The following TCF12 variants were observed in gnomAD, a reference collection of about 807,000 sequenced individuals.
TCF12 encodes transcription factor 12, also known as DNA-binding protein HTF4.
In TCF12, 45 loss-of-function variants were observed where a neutral mutation model predicts 86.0. That is an observed-to-expected ratio of 0.52 (90% CI 0.41 to 0.67). The LOEUF (loss-of-function observed/expected upper bound fraction) is 0.67, where lower values mean the gene tolerates loss of function less well. Ranked by LOEUF, TCF12 falls within the 30% of genes least tolerant of loss-of-function variation. The pLI is 0.00. For missense variants in TCF12, 881 were observed against 859.9 expected (o/e 1.02, Z -0.31); for synonymous variants, 330 against 299.6 (o/e 1.10, Z -1.05).
In TCF12 at chr15:57,286,935, T is replaced by C. The variant is rs1447384925; in HGVS notation, c.*790T>C. The C allele has an allele frequency of 5.0e-6, 1 of 198,468 alleles. No homozygotes were observed. 12.3% of individuals were successfully genotyped at this position (198,468 alleles called of 1,614,324 possible). ...TACAGTGGTAAGCAGAGACCATCTG[T>C]GACCATAGCCTAGCTAGCATTTTAA... On this transcript the variant is annotated 3_prime_UTR_variant, in exon 21 of 21. Coordinates refer to ENST00000333725, the MANE Select transcript of TCF12 (RefSeq NM_207037.2).
intron 14 of TCF12, among the ~76,000 whole-genome samples, chr15:57,251,766 C>A (rs2060129204): frequency 6.6e-6 from 1 of 152,108 alleles, no homozygotes; most frequent in Admixed American, 6.5e-5. Flanking sequence ...AAAATTTAAT[C>A]CAGCAATGCA....
intron 13 of TCF12, among the ~76,000 whole-genome samples, chr15:57,245,740 CTT>C (rs2059828082): frequency 6.6e-6 from 1 of 152,136 alleles, no homozygotes; most frequent in African/African-American, 2.4e-5. Context: ...GCGATGCTGT[CTT>C]TTTCTCTTTA....
At chr15:56,920,487 CGTGTGT>C (rs71113033) in intron 2 of TCF12, among the ~76,000 whole-genome samples, 43 of 146,960 alleles carry the variant, frequency 2.9e-4, no homozygotes, top group South Asian at 2.4e-3. Context: ...CACACACACA[CGTGTGT>C]GTGTGTGTGT....
chr15:57,255,456 C>T (rs546902964), intron 16 of TCF12, among the ~76,000 whole-genome samples: 1 of 152,064 alleles, frequency 6.6e-6, no homozygotes, highest in Admixed American at 6.6e-5. Context: ...AGAAGGTCTG[C>T]CAGAGGTATT....
chr15:57,131,107 G>C (rs1416161621), intron 5 of TCF12, among the ~76,000 whole-genome samples: 5 of 152,032 alleles, frequency 3.3e-5, no homozygotes, highest in Non-Finnish European at 7.4e-5. Flanking sequence ...TGTCTTTGGG[G>C]GCAAAAGGTT....
intron 5 of TCF12, among the ~76,000 whole-genome samples, chr15:57,130,261 A>C (rs1391144029): frequency 6.6e-6 from 1 of 152,208 alleles, no homozygotes; most frequent in Non-Finnish European, 1.5e-5. Context: ...TCTGGTTTCC[A>C]GATGTTATTA....
At chr15:56,994,449 T>C (rs2063599666) in intron 3 of TCF12, among the ~76,000 whole-genome samples, 1 of 152,074 alleles carries the variant, frequency 6.6e-6, no homozygotes, top group Non-Finnish European at 1.5e-5. Context: ...CACAAATTTA[T>C]TGAAAGACAC....
intron 3 of TCF12, among the ~76,000 whole-genome samples, chr15:56,921,506 A>G (rs2059791803): frequency 6.6e-6 from 1 of 152,060 alleles, no homozygotes; most frequent in African/African-American, 2.4e-5. Flanking sequence ...ACTGTGCTCC[A>G]TTTTAAAACA....
At chr15:57,199,337 C>A (rs575715825) in intron 8 of TCF12, among the ~76,000 whole-genome samples, 1 of 152,116 alleles carries the variant, frequency 6.6e-6, no homozygotes, top group African/African-American at 2.4e-5. Flanking sequence ...ACTGACAGTA[C>A]TGCTAAAACA....
At chr15:57,075,804 T>TTCTCTCTCTCTCTCTCTCTCTCTCTC (rs1244304206) in intron 4 of TCF12, among the ~76,000 whole-genome samples, 10 of 28,596 alleles carry the variant, frequency 3.5e-4, no homozygotes, top group East Asian at 1.5e-3. Flanking sequence ...CTTTCTTTCT[T>TTCTCTCTCTCTCTCTCTCTCTCTCTC]TCTCTCTCTC....
chr15:57,177,639 T>G (rs1183127580), intron 6 of TCF12, among the ~76,000 whole-genome samples: 7 of 19,568 alleles, frequency 3.6e-4, no homozygotes, highest in Non-Finnish European at 7.0e-4. Context: ...AGAGAGAGAG[T>G]TGGATTAGGC....
intron 3 of TCF12, among the ~76,000 whole-genome samples, chr15:56,943,961 T>C (rs534438411): frequency 6.6e-6 from 1 of 152,278 alleles, no homozygotes; most frequent in African/African-American, 2.4e-5. Flanking sequence ...ACCTACTTAA[T>C]TTTTAGGCAG....
chr15:57,286,096 T>C (rs1161726827), intron 20 of TCF12, 61 bp from the exon 21 acceptor site: 1 of 152,748 alleles, frequency 6.5e-6, no homozygotes, highest in Non-Finnish European at 1.5e-5. Context: ...GGAAGGTGTT[T>C]TATTTTTAAC....
intron 5 of TCF12, among the ~76,000 whole-genome samples, chr15:57,143,584 G>T (rs2053146837): frequency 6.6e-6 from 1 of 152,104 alleles, no homozygotes; most frequent in Non-Finnish European, 1.5e-5. Flanking sequence ...AATCTTTTAG[G>T]TTTTAAGCTG....
At position 57,007,832 on chromosome 15, in the gene TCF12, C is replaced by A. The variant is rs535030731; in HGVS notation, c.149-55918C>A. On this transcript the variant is annotated intron_variant, in intron 3 of 20. Transcript: ENST00000333725. ...TTTCTTTCTTTCTTTTTCTTTCTTT[C>A]TTTCTTTCTCTCTTTCCCTCCCTTC... 3.3e-3 allele frequency among the ~76,000 whole-genome samples: 463 copies of A among 142,302 alleles called. 4 individuals carry two copies. The highest frequency in any genetic ancestry group is 0.012 in the African/African-American group (438 of 38,006). 93.4% of individuals were successfully genotyped at this position (142,302 alleles called of 152,430 possible). A position where few individuals can be genotyped will look rare whatever the true frequency, so the allele number is the denominator to read the frequency against.
intron 3 of TCF12, among the ~76,000 whole-genome samples, chr15:56,954,618 A>C (rs753165863): frequency 1.3e-5 from 2 of 152,226 alleles, no homozygotes; most frequent in African/African-American, 4.8e-5. Flanking sequence ...AGAAACTACC[A>C]TCAGAGTGAA....
At chr15:57,205,750 C>T (rs1198912576) in intron 8 of TCF12, among the ~76,000 whole-genome samples, 1 of 152,158 alleles carries the variant, frequency 6.6e-6, no homozygotes, top group East Asian at 1.9e-4. Flanking sequence ...TTTATGCTGA[C>T]AGTAACCACT....
In TCF12 at chr15:57,024,128, A is replaced by G. The variant is rs200450436; in HGVS notation, c.149-39622A>G. On this transcript the variant is annotated intron_variant, in intron 3 of 20. Transcript: ENST00000333725. ...CCCCTGCTTTAAAGAAGCAAGACAAATAACTGTGAACAATGTGTTAGGAGT... is the reference window on the plus strand; with the variant it reads ...CCCCTGCTTTAAAGAAGCAAGACAAGTAACTGTGAACAATGTGTTAGGAGT... Among the ~76,000 whole-genome samples the G allele has an allele frequency of 1.8e-4, 27 of 152,144 alleles. 1 individual carries two copies. In the East Asian group the frequency reaches 3.9e-3, roughly 22 times the overall value.
At chr15:56,991,229 G>T (rs145115395) in intron 3 of TCF12, among the ~76,000 whole-genome samples, 1 of 152,098 alleles carries the variant, frequency 6.6e-6, no homozygotes, top group Non-Finnish European at 1.5e-5. Context: ...TTCACTAACC[G>T]TGAAGGATTT....
Sources: allele counts gnomAD v4.1 joint callset (sites outside exome capture counted in the v4.1 genomes callset), GRCh38; gene constraint gnomAD v4.1.1; transcripts MANE v1.5; gene names NCBI Gene and HGNC (gene_info 2026-07-23, HGNC 2026-07-21).